The following WWTR1 variants were observed in gnomAD, a reference collection of about 807,000 sequenced individuals.
WWTR1 encodes WW domain containing transcription regulator 1.
WWTR1 carries 13 observed loss-of-function variants against 40.1 expected under a neutral mutation model. The ratio of observed to expected loss-of-function variants is 0.32; its 90% CI spans 0.21 to 0.52. The LOEUF (loss-of-function observed/expected upper bound fraction) is 0.52, where lower values mean the gene tolerates loss of function less well. Among genes scored for constraint, WWTR1 ranks in the 20% least tolerant of loss-of-function variants. The pLI is 0.97. For synonymous variants in WWTR1, 230 were observed against 210.1 expected, an observed-to-expected ratio of 1.09 and a Z score of -0.82; for missense variants, 436 against 523.1, an observed-to-expected ratio of 0.83 and a Z score of 1.63.
At chr3:149,648,425 A>G (rs1346525076) in intron 2 of WWTR1, among the ~76,000 whole-genome samples, 1 of 152,142 alleles carries the variant, frequency 6.6e-6, no homozygotes, top group African/African-American at 2.4e-5. Flanking sequence ...AAAAAAGGAA[A>G]ACCAAAACTA....
At chr3:149,596,932 T>C (rs567429876) in intron 2 of WWTR1, among the ~76,000 whole-genome samples, 1 of 152,294 alleles carries the variant, frequency 6.6e-6, no homozygotes, top group South Asian at 2.1e-4. Context: ...TTTCTACCAA[T>C]ATCTATGACA....
At chr3:149,658,185 A>G (rs577257699), upstream of WWTR1, 1 of 153,764 alleles carries the variant, frequency 6.5e-6, no homozygotes, top group African/African-American at 2.4e-5. Flanking sequence ...GGCTCCAGAA[A>G]ACCCTGGGCG....
chr3:149,604,090 C>G (rs55943756), intron 2 of WWTR1, among the ~76,000 whole-genome samples: 10,411 of 152,214 alleles, frequency 0.068, 802 homozygotes, highest in East Asian at 0.22. Context: ...AAAATAGTTT[C>G]ATATTACATA....
chr3:149,531,328 T>C (rs1735571346), intron 4 of WWTR1, among the ~76,000 whole-genome samples: 1 of 152,226 alleles, frequency 6.6e-6, no homozygotes, highest in Non-Finnish European at 1.5e-5. Context: ...TCCAAAATCA[T>C]TCTTAGGTCA....
At chr3:149,550,568 C>T (rs1736569255) in intron 3 of WWTR1, among the ~76,000 whole-genome samples, 1 of 152,142 alleles carries the variant, frequency 6.6e-6, no homozygotes, top group African/African-American at 2.4e-5. Flanking sequence ...TATTAAGTCC[C>T]TACTGTGTGC....
In WWTR1 at chr3:149,685,578, A is replaced by G. The variant is rs576197961; in HGVS notation, c.-107-15687T>C. On this transcript the variant is annotated intron_variant, in intron 1 of 7. Coordinates refer to the WWTR1 transcript ENST00000465804. ...TTCAGGCTCTTCTCCTGGTAAATAG[A>G]GCCCTGGAAATCCAAGCCCAACATT... Among the ~76,000 whole-genome samples, 9 of 152,310 alleles carry G rather than the reference A, an allele frequency of 5.9e-5. No individual in the cohort carries two copies. In the South Asian group the frequency reaches 1.5e-3, roughly 25 times the overall value.
At chr3:149,644,553 CT>C (rs1253252449) in intron 2 of WWTR1, among the ~76,000 whole-genome samples, 1 of 152,184 alleles carries the variant, frequency 6.6e-6, no homozygotes, top group Non-Finnish European at 1.5e-5. Flanking sequence ...GCTTTTCACC[CT>C]GAGACATCCC....
chr3:149,634,695 A>C (rs1170846795), intron 2 of WWTR1, among the ~76,000 whole-genome samples: 1 of 152,208 alleles, frequency 6.6e-6, no homozygotes, highest in East Asian at 1.9e-4. Flanking sequence ...CTGTTGTGCA[A>C]GTCCACCTCT....
chr3:149,723,185 C>CTTTTT lies in WWTR1; in HGVS notation n.459+890_459+894dup, dbSNP rs35573546. ...TGGTTTGCTGGTTTTCTTTTCTTTT[C>CTTTTT]TTTTTTTTTTTTTTTTTTTTGAGAC... is the stretch of plus-strand genomic sequence containing the variant. On this transcript the variant is annotated intron_variant and non_coding_transcript_variant, in intron 4 of 6. Coordinates refer to the WWTR1 transcript ENST00000474080. 1.4e-3 allele frequency among the ~76,000 whole-genome samples: 141 copies of CTTTTT among 101,772 alleles called. 1 individual carries two copies. Among genetic ancestry groups the CTTTTT allele is most frequent in the East Asian group, 3.3e-3 (12 of 3,652 alleles). 66.8% of individuals were successfully genotyped at this position (101,772 alleles called of 152,430 possible).
intron 2 of WWTR1, among the ~76,000 whole-genome samples, chr3:149,601,658 A>T (rs1258430969): frequency 6.6e-6 from 1 of 152,180 alleles, no homozygotes; most frequent in Non-Finnish European, 1.5e-5. Context: ...ATTCTTCAAC[A>T]TGTAAAGTCC....
At chr3:149,710,715 G>T (rs1715459336) in intron 5 of WWTR1, among the ~76,000 whole-genome samples, 1 of 151,100 alleles carries the variant, frequency 6.6e-6, no homozygotes, top group Non-Finnish European at 1.5e-5. Flanking sequence ...GAGTAGCTAG[G>T]ATTATAGGTG....
intron 4 of WWTR1, 86 bp from the exon 5 acceptor site, chr3:149,528,055 A>G: frequency 6.6e-7 from 1 of 1,504,498 alleles, no homozygotes. Flanking sequence ...ACTTTTCACC[A>G]AATACAAAGC....
chr3:149,575,356 A>G (rs928158006), intron 2 of WWTR1, among the ~76,000 whole-genome samples: 12 of 152,180 alleles, frequency 7.9e-5, no homozygotes, highest in African/African-American at 2.9e-4. Context: ...TAGCAAAATA[A>G]TTAGACCTAA....
chr3:149,628,394 C>T (rs867008234), intron 2 of WWTR1, among the ~76,000 whole-genome samples: 29 of 152,258 alleles, frequency 1.9e-4, no homozygotes, highest in Admixed American at 7.9e-4. Context: ...ACAAACAAAA[C>T]TTATTAAGCC....
intron 2 of WWTR1, among the ~76,000 whole-genome samples, chr3:149,590,509 G>A (rs750898530): frequency 1.8e-4 from 27 of 152,102 alleles, no homozygotes; most frequent in Non-Finnish European, 2.4e-4. Context: ...AATTCACCAG[G>A]CATGGTGGCG....
At chr3:149,617,825 T>A (rs1177971020) in intron 2 of WWTR1, among the ~76,000 whole-genome samples, 8 of 152,094 alleles carry the variant, frequency 5.3e-5, no homozygotes, top group Non-Finnish European at 1.2e-4. Flanking sequence ...TAAAATAAAG[T>A]TCCATAAATC....
At chr3:149,622,671 C>T (rs139563879) in intron 2 of WWTR1, among the ~76,000 whole-genome samples, 21 of 152,002 alleles carry the variant, frequency 1.4e-4, no homozygotes, top group African/African-American at 3.6e-4. Flanking sequence ...GACAACATGG[C>T]GAAAACCAAA....
chr3:149,692,113 G>T (rs188651677), intron 1 of WWTR1, among the ~76,000 whole-genome samples: 1 of 150,718 alleles, frequency 6.6e-6, no homozygotes, highest in African/African-American at 2.4e-5. Flanking sequence ...CTCATTCTAT[G>T]AAGTCAGTAT....
At chr3:149,704,906 G>C (rs1339249542), upstream of WWTR1, among the ~76,000 whole-genome samples, 2 of 150,154 alleles carry the variant, frequency 1.3e-5, no homozygotes, top group Admixed American at 1.3e-4. Context: ...AAAAATTAGA[G>C]AGGAAACAAA....
Sources: allele counts gnomAD v4.1 joint callset (sites outside exome capture counted in the v4.1 genomes callset), GRCh38; gene constraint gnomAD v4.1.1; transcripts MANE v1.5; gene names NCBI Gene and HGNC (gene_info 2026-07-23, HGNC 2026-07-21).